BIRC2: variants seen among roughly 807,000 people sequenced by gnomAD.
The protein encoded by BIRC2 is baculoviral IAP repeat containing 2.
BIRC2 carries 18 observed loss-of-function variants against 60.9 expected under a neutral mutation model. The observed-to-expected ratio is 0.30, with a 90% CI of 0.20 to 0.44. The LOEUF (loss-of-function observed/expected upper bound fraction) is 0.44. Among genes scored for constraint, BIRC2 ranks in the 20% least tolerant of loss-of-function variants. The probability of loss-of-function intolerance (pLI) is 1.00; values close to 1 mark genes in which losing one functional copy is unlikely to be tolerated. For missense variants in BIRC2, 701 were observed against 728.5 expected, an observed-to-expected ratio of 0.96 and a Z score of 0.43; for synonymous variants, 282 against 247.7, an observed-to-expected ratio of 1.14 and a Z score of -1.30.
chr11:102,378,093 G>A lies in BIRC2; in HGVS notation c.1767G>A (p.Leu589=), dbSNP rs779920540. The A allele has an allele frequency of 1.9e-6, 3 of 1,613,702 alleles. No individual in the cohort carries two copies. Among genetic ancestry groups the A allele is most frequent in the Non-Finnish European group, 2.5e-6 (3 of 1,179,748 alleles). ...VSVVFIPCGH[L]VVCQECAPSL... is the part of the protein sequence containing the mutation. ...TTGTATTTATTCCTTGTGGTCATCT[G>A]GTAGTATGCCAGGAATGTGCCCCTT... Residue 589 remains leucine (L), a synonymous_variant, in exon 9 of 9, where the codon CTG becomes CTA. Transcript: ENST00000227758.
Position 102,349,971 on chromosome 11 carries a change from G to T in BIRC2, c.117G>T (p.Met39Ile). The T allele has an allele frequency of 6.2e-7, 1 of 1,614,190 alleles. No homozygotes were observed. The highest frequency in any genetic ancestry group is 8.5e-7 in the Non-Finnish European group (1 of 1,180,034). The change falls in exon 2 of 9, where the codon ATG (methionine) becomes ATT (isoleucine). Residue 39 changes from methionine (M) to isoleucine (I), a missense_variant. Around this residue, in one of 4 missense-constraint regions of BIRC2, gnomAD observed 375 missense variants for 365.9 expected, o/e 1.02. Transcript: ENST00000227758. ...SDWTNSNKQK[M>I]KYDFSCELYR... ...GGACAAACAGCAACAAACAAAAAAT[G>T]AAGTATGACTTTTCCTGTGAACTCT...
rs1471448961 is a variant in BIRC2, at chr11:102,378,198, T to C, written c.*15T>C. 5 of 1,545,586 alleles carry C rather than the reference T, an allele frequency of 3.2e-6. No homozygotes were observed. In the Admixed American group the frequency reaches 1.1e-4, roughly 34 times the overall value. ...TTCTCTCTTAAAGAAAAATAGTCTATATTTTAACCTGCATAAAAAGGTCTT... is the reference window on the plus strand; with the variant it reads ...TTCTCTCTTAAAGAAAAATAGTCTACATTTTAACCTGCATAAAAAGGTCTT... On this transcript the variant is annotated 3_prime_UTR_variant, in exon 9 of 9. Coordinates refer to ENST00000227758, the MANE Select transcript of BIRC2 (RefSeq NM_001166.5).
At chr11:102,368,952 A>G (rs1020642172) in intron 6 of BIRC2, among the ~76,000 whole-genome samples, 23 of 151,804 alleles carry the variant, frequency 1.5e-4, no homozygotes, top group Non-Finnish European at 3.1e-4. Context: ...TTAATAGGAT[A>G]CTTTACTCCC....
At chr11:102,359,420 A>G (rs1951459889) in intron 3 of BIRC2, among the ~76,000 whole-genome samples, 1 of 152,326 alleles carries the variant, frequency 6.6e-6, no homozygotes, top group South Asian at 2.1e-4. Flanking sequence ...TTGATTATAT[A>G]TTTATCTTAA....
Position 102,377,654 on chromosome 11 carries a change from C to G in BIRC2, c.1525C>G (p.Leu509Val). The change falls in exon 7 of 9, where the codon CTG becomes GTG. Residue 509 changes from leucine (L) to valine (V), a missense_variant. Physicochemically the swap from Leu to Val is conservative, Grantham distance 32. Coordinates refer to ENST00000227758, the MANE Select transcript of BIRC2 (RefSeq NM_001166.5). ...KTQIPLQARE[L>V]IDTILVKGNA... is the part of the protein sequence containing the mutation. The stretch of plus-strand genomic sequence containing the variant: ...ACAGATACCTTTACAAGCGAGAGAA[C>G]TGATTGATACCATTTTGGTTAAAGG... 6.2e-7 allele frequency: 1 copy of G among 1,610,270 alleles called. No homozygotes were observed. The highest frequency in any genetic ancestry group is 1.7e-4 in the Middle Eastern group (1 of 6,050).
At chr11:102,375,359 C>T (rs1217534251) in intron 6 of BIRC2, among the ~76,000 whole-genome samples, 76 of 152,246 alleles carry the variant, frequency 5.0e-4, no homozygotes, top group Admixed American at 4.8e-3. Flanking sequence ...TGGAGTATTG[C>T]GTTGGAAGAT....
chr11:102,362,457 G>A (rs1951496034), intron 3 of BIRC2, among the ~76,000 whole-genome samples: 1 of 152,156 alleles, frequency 6.6e-6, no homozygotes, highest in South Asian at 2.1e-4. Context: ...GAAGGTAGTG[G>A]ATTCTGGCTC....
intron 3 of BIRC2, among the ~76,000 whole-genome samples, chr11:102,352,751 CTA>C (rs1156646209): frequency 6.6e-6 from 1 of 152,094 alleles, no homozygotes; most frequent in Non-Finnish European, 1.5e-5. Context: ...ATTTCTGTCT[CTA>C]TGAATTTGAC....
rs1383843716 is a variant in BIRC2, at chr11:102,350,088, T to G, written c.234T>G (p.Asn78Lys). The change falls in exon 2 of 9, where the codon AAT becomes AAG. Residue 78 changes from asparagine (N) to lysine (K), a missense_variant. By Grantham distance (94) the Asn-to-Lys change is moderately conservative. Around this residue, in one of 4 missense-constraint regions of BIRC2, gnomAD observed 375 missense variants for 365.9 expected, o/e 1.02. Transcript: ENST00000227758. Reference sequence around the variant, plus strand: ...CTGGTTTTTATTATACTGGTGTGAATGACAAGGTCAAATGCTTCTGTTGTG... The same window carrying G: ...CTGGTTTTTATTATACTGGTGTGAAGGACAAGGTCAAATGCTTCTGTTGTG... ...ARAGFYYTGV[N>K]DKVKCFCCGL... is the part of the protein sequence containing the mutation. 1.4e-5 allele frequency: 23 copies of G among 1,614,116 alleles called. No homozygotes were observed. Among genetic ancestry groups the G allele is most frequent in the Non-Finnish European group, 1.9e-5 (22 of 1,180,046 alleles).
Position 102,368,388 on chromosome 11 carries a change from G to T in BIRC2, c.1206G>T (p.Met402Ile), listed in dbSNP as rs1305639642. The T allele has an allele frequency of 6.2e-7, 1 of 1,614,006 alleles. No individual in the cohort carries two copies. ...NTPVVKSALEMGFNRDLVKQT... is the reference protein window; with the variant it reads ...NTPVVKSALEIGFNRDLVKQT... Reference sequence around the variant, plus strand: ...CTGTGGTTAAATCTGCCTTGGAAATGGGCTTTAATAGAGACCTGGTGAAAC... The same window carrying T: ...CTGTGGTTAAATCTGCCTTGGAAATTGGCTTTAATAGAGACCTGGTGAAAC... The change falls in exon 6 of 9, where the codon ATG becomes ATT. Residue 402 changes from methionine to isoleucine, a missense_variant. Physicochemically the swap from Met to Ile is conservative, Grantham distance 10. Around this residue, in one of 4 missense-constraint regions of BIRC2, gnomAD observed 235 missense variants for 208.9 expected, o/e 1.12. Coordinates refer to ENST00000227758, the MANE Select transcript of BIRC2 (RefSeq NM_001166.5).
Position 102,368,173 on chromosome 11 carries a change from G to T in BIRC2, c.1124-133G>T. 4.0e-6 allele frequency: 4 copies of T among 991,258 alleles called. No individual in the cohort carries two copies. The South Asian group carries it at 6.5e-5, about 16-fold the overall frequency. The allele number at this position is 991,258 out of a possible 1,614,324, so 61.4% of individuals were successfully genotyped here. ...GTTCAAACTTTTATTGGAGTTATAGGTAATCGATGCATATAGCTCATCTCC... is the reference window on the plus strand; with the variant it reads ...GTTCAAACTTTTATTGGAGTTATAGTTAATCGATGCATATAGCTCATCTCC... On this transcript the variant is annotated intron_variant, in intron 5 of 8. Coordinates refer to ENST00000227758, the MANE Select transcript of BIRC2 (RefSeq NM_001166.5).
At chr11:102,369,789 A>G (rs1473667070) in intron 6 of BIRC2, among the ~76,000 whole-genome samples, 4 of 146,702 alleles carry the variant, frequency 2.7e-5, no homozygotes, top group African/African-American at 1.0e-4. Context: ...CAACAGTGTA[A>G]AAGTGTTCCT....
intron 6 of BIRC2, among the ~76,000 whole-genome samples, chr11:102,371,841 C>T (rs1951635663): frequency 2.0e-5 from 3 of 151,898 alleles, no homozygotes; most frequent in Non-Finnish European, 4.4e-5. Context: ...GCCACAATTT[C>T]AGATCCTGTT....
At chr11:102,372,061 C>T (rs1434374224) in intron 6 of BIRC2, among the ~76,000 whole-genome samples, 3 of 151,924 alleles carry the variant, frequency 2.0e-5, no homozygotes, top group Non-Finnish European at 4.4e-5. Flanking sequence ...TCTCTCTTTT[C>T]TTCTTTATTA....
intron 5 of BIRC2, among the ~76,000 whole-genome samples, chr11:102,366,468 G>A (rs1007519149): frequency 2.6e-5 from 4 of 151,800 alleles, no homozygotes; most frequent in Admixed American, 1.3e-4. Flanking sequence ...CCGGGTTCAC[G>A]CCATTCTCTT....
intron 6 of BIRC2, among the ~76,000 whole-genome samples, chr11:102,369,234 T>C (rs886930999): frequency 2.0e-5 from 3 of 151,074 alleles, no homozygotes; most frequent in African/African-American, 7.3e-5. Context: ...TACATATGTA[T>C]ACATGTGCCA....
In BIRC2 at chr11:102,368,423, A is replaced by C. The variant is rs1461600228; in HGVS notation, c.1241A>C (p.Gln414Pro). ...FNRDLVKQTV[Q>P]SKILTTGENY... ...AGAGACCTGGTGAAACAAACAGTTC[A>C]AAGTAAAATCCTGACAACTGGAGAG... Residue 414 changes from glutamine to proline, a missense_variant, in exon 6 of 9, where the codon CAA (glutamine) becomes CCA (proline). This residue lies in a region of BIRC2 where 235 missense variants were observed against 208.9 expected (regional missense o/e 1.12). Coordinates refer to ENST00000227758, the MANE Select transcript of BIRC2 (RefSeq NM_001166.5). 6.2e-7 allele frequency: 1 copy of C among 1,613,958 alleles called. No homozygotes were observed. Among genetic ancestry groups the C allele is most frequent in the African/African-American group, 1.3e-5 (1 of 74,916 alleles).
chr11:102,362,841 A>AG, intron 3 of BIRC2, 55 bp from the exon 4 acceptor site: 1 of 1,340,404 alleles, frequency 7.5e-7, no homozygotes, highest in Admixed American at 1.9e-5. Flanking sequence ...TAGAATGATC[A>AG]GGTTATATTT....
chr11:102,374,122 T>G (rs201624675), intron 6 of BIRC2, among the ~76,000 whole-genome samples: 1 of 143,134 alleles, frequency 7.0e-6, no homozygotes, highest in Non-Finnish European at 1.6e-5. Flanking sequence ...AATGTCCTCC[T>G]GTAGCTCAGA....
Sources: gnomAD v4.1 joint callset for allele counts (sites outside exome capture counted in the v4.1 genomes callset) on GRCh38, gnomAD v4.1.1 for gene constraint, gnomAD v4.1.1 regional missense constraint, MANE v1.5 for transcripts, NCBI Gene and HGNC (gene_info 2026-07-23, HGNC 2026-07-21) for gene names.